The following CBLB variants were observed in gnomAD, a reference collection of about 807,000 sequenced individuals.
The protein encoded by CBLB is Cbl proto-oncogene B, also known as E3 ubiquitin-protein ligase CBL-B.
A neutral mutation model predicts 104.9 loss-of-function variants in CBLB; 31 were observed. The ratio of observed to expected loss-of-function variants is 0.30; its 90% CI spans 0.22 to 0.40. The LOEUF is 0.40. Among genes scored for constraint, CBLB ranks in the 10% least tolerant of loss-of-function variants. The probability of loss-of-function intolerance (pLI) is 1.00; values close to 1 mark genes in which losing one functional copy is unlikely to be tolerated. For synonymous variants in CBLB, 440 were observed against 422.6 expected (o/e 1.04, Z -0.51); for missense variants, 1,062 against 1,214.6 (o/e 0.87, Z 1.87).
intron 3 of CBLB, among the ~76,000 whole-genome samples, chr3:105,837,616 G>T (rs1299454926): frequency 6.6e-6 from 1 of 152,162 alleles, no homozygotes; most frequent in East Asian, 1.9e-4. Flanking sequence ...CTCCATTAAA[G>T]AAGTACTTGT....
chr3:105,753,910 G>A (rs1433279480), intron 4 of CBLB, among the ~76,000 whole-genome samples: 1 of 151,934 alleles, frequency 6.6e-6, no homozygotes. Flanking sequence ...TTTACAAAAG[G>A]ACAAGCTACA....
At position 105,681,747 on chromosome 3, in the gene CBLB, G is replaced by C. The variant is rs1278160458; in HGVS notation, c.2273C>G (p.Pro758Arg). 1 of 1,609,058 alleles carries C rather than the reference G, an allele frequency of 6.2e-7. No individual in the cohort carries two copies. The highest frequency in any genetic ancestry group is 1.1e-5 in the South Asian group (1 of 90,986). ...GPSSEKKSNI[P>R]DLSIYLKGDV... ...ACCCTTTAAATATATGCTTAAGTCA[G>C]GGATGTTTGATTTCTTCTCTGAAGA... The change falls in exon 15 of 19, where the codon CCT becomes CGT. Residue 758 changes from proline (P) to arginine (R), a missense_variant. Coordinates refer to ENST00000394030, the MANE Select transcript of CBLB (RefSeq NM_170662.5).
Position 105,776,482 on chromosome 3 carries a change from G to A in CBLB, c.480C>T (p.Ile160=). The A allele has an allele frequency of 6.2e-7, 1 of 1,613,774 alleles. No homozygotes were observed. The highest frequency in any genetic ancestry group is 8.5e-7 in the Non-Finnish European group (1 of 1,179,818). ...FSHMLAEIKA[I]FPNGQFQGDN... ...CTCCCTGGAATTGACCATTGGGAAA[G>A]ATTGCTTTGATTTCTGCCAGCATGT... Residue 160 remains isoleucine, a synonymous_variant, in exon 4 of 19, where the codon ATC becomes ATT. Coordinates refer to ENST00000394030, the MANE Select transcript of CBLB (RefSeq NM_170662.5).
chr3:105,711,010 T>C (rs2070989308), intron 10 of CBLB, among the ~76,000 whole-genome samples: 2 of 151,968 alleles, frequency 1.3e-5, no homozygotes, highest in Non-Finnish European at 1.5e-5. Flanking sequence ...CTCTTCATTT[T>C]ATCCACACCT....
chr3:105,778,456 T>C (rs541048105), intron 3 of CBLB, among the ~76,000 whole-genome samples: 1 of 151,992 alleles, frequency 6.6e-6, no homozygotes, highest in Admixed American at 6.5e-5. Flanking sequence ...ATAAGATGAA[T>C]ACAGAAAAAA....
rs75149995 is a variant in CBLB at position 105,743,426 on chromosome 3, C to T, written c.845+2491G>A. Among the ~76,000 whole-genome samples the T allele has an allele frequency of 5.9e-3, 880 of 149,136 alleles. 27 individuals carry two copies. Among genetic ancestry groups the T allele is most frequent in the East Asian group, 0.05 (256 of 5,112 alleles). On this transcript the variant is annotated intron_variant, in intron 6 of 18. Transcript: ENST00000394030. ...AGTGAGCCCAGATAGTACCACTGCACTCCTGCTGGGTGAACACAGTGAGAC... is the reference window on the plus strand; with the variant it reads ...AGTGAGCCCAGATAGTACCACTGCATTCCTGCTGGGTGAACACAGTGAGAC...
rs557333349 is a variant in CBLB at position 105,773,501 on chromosome 3, C to T, written c.566+2895G>A. The stretch of plus-strand genomic sequence containing the variant: ...TATAAATCACCACTTCAATCAATCA[C>T]TTTTCTCAATGTCAAAAAGTACTTA... On this transcript the variant is annotated intron_variant, in intron 4 of 18. Coordinates refer to ENST00000394030, the MANE Select transcript of CBLB (RefSeq NM_170662.5). 1.1e-4 allele frequency among the ~76,000 whole-genome samples: 16 copies of T among 152,298 alleles called. No homozygotes were observed. The South Asian group carries it at 3.1e-3, about 30-fold the overall frequency.
At chr3:105,686,304 T>C (rs1208804078) in intron 13 of CBLB, among the ~76,000 whole-genome samples, 1 of 152,104 alleles carries the variant, frequency 6.6e-6, no homozygotes, top group Non-Finnish European at 1.5e-5. Context: ...CAATGAAAAA[T>C]GCCAAGGCAG....
chr3:105,782,578 CTTTTTTTTT>C (rs11333516), intron 3 of CBLB, among the ~76,000 whole-genome samples: 53 of 137,484 alleles, frequency 3.9e-4, no homozygotes, highest in African/African-American at 8.5e-4. Context: ...CTTTTCTTTT[CTTTTTTTTT>C]TTTTTTTTTT....
chr3:105,837,435 T>C (rs2088716611), intron 3 of CBLB, among the ~76,000 whole-genome samples: 1 of 152,152 alleles, frequency 6.6e-6, no homozygotes, highest in South Asian at 2.1e-4. Context: ...AATGTTAATA[T>C]AAGAATAAGA....
In CBLB at chr3:105,868,807, G is replaced by C. The variant is rs1285437390; in HGVS notation, c.-86C>G. 2.0e-6 allele frequency: 2 copies of C among 996,044 alleles called. No homozygotes were observed. Among genetic ancestry groups the C allele is most frequent in the African/African-American group, 3.5e-5 (2 of 57,332 alleles). 61.7% of individuals were successfully genotyped at this position (996,044 alleles called of 1,614,324 possible). A position where few individuals can be genotyped will look rare whatever the true frequency, so the allele number is the denominator to read the frequency against. On this transcript the variant is annotated 5_prime_UTR_variant, in exon 1 of 19. Coordinates refer to ENST00000394030, the MANE Select transcript of CBLB (RefSeq NM_170662.5). ...ACTCCACACGCACGCAGCCCAGTGT[G>C]TGTGGGGAGCCCCGGCTGGGAGTGG...
intron 5 of CBLB, among the ~76,000 whole-genome samples, chr3:105,748,531 A>G (rs1440471681): frequency 1.3e-5 from 2 of 152,218 alleles, no homozygotes; most frequent in Admixed American, 1.3e-4. Context: ...AAGGGGAACA[A>G]CAGCCCCAGG....
chr3:105,729,984 A>G (rs1353471659), intron 9 of CBLB, among the ~76,000 whole-genome samples: 1 of 152,138 alleles, frequency 6.6e-6, no homozygotes, highest in Non-Finnish European at 1.5e-5. Flanking sequence ...GATTATCCAA[A>G]AGTAGAAATG....
intron 10 of CBLB, among the ~76,000 whole-genome samples, chr3:105,708,304 C>T (rs773166532): frequency 3.7e-4 from 56 of 152,230 alleles, no homozygotes; most frequent in Middle Eastern, 6.8e-3. Context: ...GTGAACTGTG[C>T]TAATTATCAC....
At chr3:105,743,992 G>C (rs2075869318) in intron 6 of CBLB, among the ~76,000 whole-genome samples, 1 of 151,754 alleles carries the variant, frequency 6.6e-6, no homozygotes, top group Admixed American at 6.6e-5. Flanking sequence ...AGGTATGACT[G>C]ATATACAAAA....
chr3:105,656,617 AC>A lies in CBLB; in HGVS notation c.*2352del, dbSNP rs1201092329. On this transcript the variant is annotated 3_prime_UTR_variant, in exon 19 of 19. Transcript: ENST00000394030. ...TTCTCTGCAAAACAGATATCCCCCCACCCCCCACCCCCAAATTTCAGGTCCA... is the reference window on the plus strand; with the variant it reads ...TTCTCTGCAAAACAGATATCCCCCCACCCCCACCCCCAAATTTCAGGTCCA... 15 of 78,860 alleles carry A rather than the reference AC, an allele frequency of 1.9e-4. No homozygotes were observed. The highest frequency in any genetic ancestry group is 2.8e-4 in the Non-Finnish European group (12 of 42,876). 4.9% of individuals were successfully genotyped at this position (78,860 alleles called of 1,614,324 possible). A position where few individuals can be genotyped will look rare whatever the true frequency, so the allele number is the denominator to read the frequency against.
intron 13 of CBLB, among the ~76,000 whole-genome samples, chr3:105,687,837 T>C (rs1304150560): frequency 1.3e-5 from 2 of 151,292 alleles, no homozygotes; most frequent in Non-Finnish European, 3.0e-5. Flanking sequence ...CTGGTTTCTA[T>C]CAAAAAAAAT....
intron 7 of CBLB, among the ~76,000 whole-genome samples, chr3:105,738,090 A>G (rs9288818): frequency 1 from 152,095 of 152,292 alleles, 75,950 homozygotes; most frequent in Middle Eastern, 1. Context: ...TCACTGCTGT[A>G]TTTCATCAGT....
chr3:105,748,924 C>T (rs2076355644), intron 5 of CBLB, among the ~76,000 whole-genome samples: 1 of 152,130 alleles, frequency 6.6e-6, no homozygotes, highest in African/African-American at 2.4e-5. Flanking sequence ...ACCCCACTCC[C>T]AATAATTTAG....
Sources: gnomAD v4.1 joint callset for allele counts (sites outside exome capture counted in the v4.1 genomes callset) on GRCh38, gnomAD v4.1.1 for gene constraint, MANE v1.5 for transcripts, NCBI Gene and HGNC (gene_info 2026-07-23, HGNC 2026-07-21) for gene names.